MACF1: variants seen among roughly 807,000 people sequenced by gnomAD.
The protein encoded by MACF1 is microtubule-actin cross-linking factor 1.
Under a neutral mutation model 854.8 loss-of-function variants are expected in MACF1, and 193 were observed. The observed-to-expected ratio is 0.23, with a 90% confidence interval of 0.20 to 0.25. The LOEUF is 0.25. Ranked by LOEUF, MACF1 falls within the 10% of genes least tolerant of loss-of-function variation. MACF1 has a pLI of 1.00. For synonymous variants in MACF1, 3,185 were observed against 3,226.7 expected, an observed-to-expected ratio of 0.99 and a Z score of 0.44; for missense variants, 7,722 against 8,929.1, an observed-to-expected ratio of 0.86 and a Z score of 5.45.
rs756468410 is a variant in MACF1, at chr1:39,444,768, C to T, written c.19538C>T (p.Thr6513Ile). 1.9e-6 allele frequency: 3 copies of T among 1,614,066 alleles called. No homozygotes were observed. Among genetic ancestry groups the T allele is most frequent in the East Asian group, 2.2e-5 (1 of 44,888 alleles). The change falls in exon 80 of 101, where the codon ACA becomes ATA. Residue 6513 changes from threonine to isoleucine, a missense_variant. Thr to Ile is a moderately conservative substitution (Grantham distance 89). This residue lies in a region of MACF1 where 729 missense variants were observed against 900.5 expected (regional missense o/e 0.81). Transcript: ENST00000564288. ...SRDDSGSGSK[T>I]EQSVALLEQK... Reference sequence around the variant, plus strand: ...GACGACTCTGGGTCTGGCTCCAAGACAGAACAGAGTGTAGCACTTTTGGAG... The same window carrying T: ...GACGACTCTGGGTCTGGCTCCAAGATAGAACAGAGTGTAGCACTTTTGGAG...
rs1323391063 is a variant in MACF1, at chr1:39,360,044, TATATATATAC to T, written c.12245-747_12245-738del. On this transcript the variant is annotated intron_variant, in intron 47 of 100. Transcript: ENST00000564288. Reference sequence around the variant, plus strand: ...ATATATATATATATATATATATATATATATATATACACACACACACACACACATATGTATA... The same window carrying T: ...ATATATATATATATATATATATATATACACACACACACACACATATGTATA... Among the ~76,000 whole-genome samples the T allele has an allele frequency of 3.1e-3, 187 of 59,824 alleles. 3 individuals carry two copies. The highest frequency in any genetic ancestry group is 8.0e-3 in the African/African-American group (116 of 14,590). The allele number at this position is 59,824 out of a possible 152,430, so 39.2% of individuals were successfully genotyped here.
intron 1 of MACF1, among the ~76,000 whole-genome samples, chr1:39,221,524 C>CAAAGG (rs1300478402): frequency 6.6e-6 from 1 of 152,210 alleles, no homozygotes; most frequent in Non-Finnish European, 1.5e-5. Flanking sequence ...CCAATGTACC[C>CAAAGG]TCACCAAATC....
At chr1:39,406,602 G>A (rs766809586) in intron 58 of MACF1, among the ~76,000 whole-genome samples, 1 of 151,990 alleles carries the variant, frequency 6.6e-6, no homozygotes, top group Non-Finnish European at 1.5e-5. Flanking sequence ...GGGTGCGGTG[G>A]CGCATGCCTG....
At chr1:39,295,021 CT>C in intron 18 of MACF1, 24 bp from the exon 19 acceptor site, 1 of 1,546,564 alleles carries the variant, frequency 6.5e-7, no homozygotes. Context: ...AGTGCTTATG[CT>C]GTAAAATTGA....
chr1:39,155,920 C>T (rs551420525), intron 2 of MACF1, among the ~76,000 whole-genome samples: 90 of 149,978 alleles, frequency 6.0e-4, no homozygotes, highest in African/African-American at 2.1e-3. Flanking sequence ...TGGAGTCTTG[C>T]TCTGTCGCCC....
Position 39,105,780 on chromosome 1 carries a change from G to C in MACF1, c.220+21342G>C. ...CCGGCGCAGCGTGGCCTTCGGAGCC[G>C]GTCGGCTCGGCGGCTGCAGGTGGGG... On this transcript the variant is annotated intron_variant, in intron 2 of 93. Coordinates refer to the MACF1 transcript ENST00000361689. This position sits in a 1 kb window ranked among gnomAD's most constrained non-coding sequence, Gnocchi z 5.9. 1 of 1,026,906 alleles carries C rather than the reference G, an allele frequency of 9.7e-7. No individual in the cohort carries two copies. Among genetic ancestry groups the C allele is most frequent in the Non-Finnish European group, 1.2e-6 (1 of 854,638 alleles). 63.6% of individuals were successfully genotyped at this position (1,026,906 alleles called of 1,614,324 possible).
chr1:39,454,981 C>T lies in MACF1; in HGVS notation c.20959C>T (p.Leu6987Phe), dbSNP rs1446814154. ...GTCAGAACTGGTGGCTAATGCTGAG[C>T]TCCTGGAAGAACTTCTGGCATGGAT... Reference protein sequence around the residue: ...ALSELVANAELLEELLAWIQW... With the variant: ...ALSELVANAEFLEELLAWIQW... Residue 6987 changes from leucine (L) to phenylalanine (F), a missense_variant, in exon 89 of 101, where the codon CTC (leucine) becomes TTC (phenylalanine). Around this residue, in one of 15 missense-constraint regions of MACF1, gnomAD observed 729 missense variants for 900.5 expected, o/e 0.81. Transcript: ENST00000564288. 6.2e-7 allele frequency: 1 copy of T among 1,614,126 alleles called. No homozygotes were observed. Among genetic ancestry groups the T allele is most frequent in the Non-Finnish European group, 8.5e-7 (1 of 1,180,004 alleles).
chr1:39,363,279 T>C (rs1480948292), intron 49 of MACF1, among the ~76,000 whole-genome samples: 1 of 152,230 alleles, frequency 6.6e-6, no homozygotes, highest in Non-Finnish European at 1.5e-5. Flanking sequence ...CAAAAAGTTA[T>C]ACTCAAGGTA....
chr1:39,391,330 C>A (rs781430831), intron 58 of MACF1, among the ~76,000 whole-genome samples: 8 of 151,822 alleles, frequency 5.3e-5, no homozygotes, highest in Non-Finnish European at 1.2e-4. Flanking sequence ...TTAAGTATTC[C>A]CAAATTACTG....
At chr1:39,330,441 C>A (rs1646699223) in intron 36 of MACF1, among the ~76,000 whole-genome samples, 1 of 152,166 alleles carries the variant, frequency 6.6e-6, no homozygotes, top group South Asian at 2.1e-4. Flanking sequence ...CAGGGAATTG[C>A]TACTTCTAGA....
At chr1:39,414,271 G>A (rs752261378) in intron 58 of MACF1, 59 of 1,613,950 alleles carry the variant, frequency 3.7e-5, no homozygotes, top group Non-Finnish European at 5.0e-5. Context: ...TTCCCCCATT[G>A]GTGTGCCCTT....
At position 39,385,861 on chromosome 1, in the gene MACF1, T is replaced by C; in HGVS notation, c.14276T>C (p.Leu4759Pro). ...TCAGTGCTCATTGGTGAGCAGTACC[T>C]CAAGGATGAACTGAAGAAGCGTTTG... is the stretch of plus-strand genomic sequence containing the variant. ...ELSVLIGEQY[L>P]KDELKKRLET... Residue 4759 changes from leucine (L) to proline (P), a missense_variant, in exon 57 of 101, where the codon CTC (leucine) becomes CCC (proline). Around this residue, in one of 15 missense-constraint regions of MACF1, gnomAD observed 2,807 missense variants for 3,235.8 expected, o/e 0.87. Coordinates refer to ENST00000564288, the MANE Select transcript of MACF1 (RefSeq NM_001394062.1). 6.2e-7 allele frequency: 1 copy of C among 1,614,134 alleles called. No homozygotes were observed. The highest frequency in any genetic ancestry group is 8.5e-7 in the Non-Finnish European group (1 of 1,180,018).
intron 47 of MACF1, among the ~76,000 whole-genome samples, chr1:39,360,044 T>TATATAC (rs1648016499): frequency 1.7e-5 from 1 of 59,888 alleles, no homozygotes; most frequent in Non-Finnish European, 3.2e-5. Context: ...TATATATATA[T>TATATAC]ATATATATAC....
intron 15 of MACF1, 152 bp from the exon 16 acceptor site, chr1:39,291,758 T>G (rs1405208681): frequency 1.6e-6 from 1 of 639,430 alleles, no homozygotes; most frequent in Non-Finnish European, 2.5e-6. Context: ...TGGCGTAATT[T>G]TTGTGTAAGA....
chr1:39,285,008 A>T, intron 11 of MACF1, 75 bp from the exon 12 acceptor site: 1 of 1,563,874 alleles, frequency 6.4e-7, no homozygotes, highest in Non-Finnish European at 8.7e-7. Flanking sequence ...GCAAGAAGTG[A>T]TGTGCAAATA....
At chr1:39,465,134 T>C in intron 95 of MACF1, 22 bp downstream of exon 95, 1 of 1,609,872 alleles carries the variant, frequency 6.2e-7, no homozygotes, top group Non-Finnish European at 8.5e-7. Context: ...CTTGCAATGT[T>C]CTCCTTCTCA....
At chr1:39,252,014 C>A in intron 4 of MACF1, 73 bp downstream of exon 4, 1 of 1,020,706 alleles carries the variant, frequency 9.8e-7, no homozygotes, top group Non-Finnish European at 1.3e-6. Context: ...GTCTGAGGTT[C>A]TCCAGGTCTC....
In MACF1 at chr1:39,332,750, G is replaced by A. The variant is rs374356010; in HGVS notation, c.6162G>A (p.Arg2054=). The change falls in exon 37 of 101, where the codon CGG becomes CGA. Residue 2054 remains arginine (R), a synonymous_variant. Transcript: ENST00000564288. The part of the protein sequence containing the change: ...FSSQNKEYPD[R]EDCTTEKGKK... ...CTCAGAACAAAGAATATCCCGATCG[G>A]GAAGATTGCACTACAGAAAAAGGCA... 1.2e-6 allele frequency: 2 copies of A among 1,613,966 alleles called. No individual in the cohort carries two copies. Among genetic ancestry groups the A allele is most frequent in the African/African-American group, 2.7e-5 (2 of 74,862 alleles).
At chr1:39,260,254 A>G (rs903744509) in intron 6 of MACF1, 1 of 151,434 alleles carries the variant, frequency 6.6e-6, no homozygotes, top group African/African-American at 2.4e-5. Flanking sequence ...CTCTTTTTTT[A>G]TATTTTCTGT....
Sources: allele counts gnomAD v4.1 joint callset (sites outside exome capture counted in the v4.1 genomes callset), GRCh38; gene constraint gnomAD v4.1.1; regional missense constraint gnomAD v4.1.1; non-coding constraint Gnocchi (gnomAD v3.1); transcripts MANE v1.5; gene names NCBI Gene and HGNC (gene_info 2026-07-23, HGNC 2026-07-21).